The following POLH variants were observed in gnomAD, a reference collection of about 807,000 sequenced individuals.
POLH encodes the protein DNA polymerase eta transcript.
In POLH, 53 loss-of-function variants were observed where a neutral mutation model predicts 73.6. The observed-to-expected ratio is 0.72, with a 90% CI of 0.58 to 0.91. The LOEUF (loss-of-function observed/expected upper bound fraction) is 0.91. Ranked by LOEUF, POLH falls within the 40% of genes least tolerant of loss-of-function variation. The probability of loss-of-function intolerance (pLI) is 0.00; values close to 1 mark genes in which losing one functional copy is unlikely to be tolerated. For missense variants in POLH, 768 were observed against 865.4 expected (o/e 0.89, Z 1.41); for synonymous variants, 292 against 308.5 (o/e 0.95, Z 0.56).
In POLH at chr6:43,604,623, T is replaced by A; in HGVS notation, c.893T>A (p.Leu298Gln). The change falls in exon 8 of 11, where the codon CTA (leucine) becomes CAA (glutamine). Residue 298 changes from leucine to glutamine, a missense_variant. Physicochemically the swap from Leu to Gln is moderately radical, Grantham distance 113. Coordinates refer to ENST00000372236, the MANE Select transcript of POLH (RefSeq NM_006502.3). Reference protein sequence around the residue: ...SHFGEKNGSWLYAMCRGIEHD... With the variant: ...SHFGEKNGSWQYAMCRGIEHD... ...TTTGCTGGTCTTATTAGGTCTTGGC[T>A]ATATGCCATGTGCCGAGGGATTGAA... 6.2e-7 allele frequency: 1 copy of A among 1,614,136 alleles called. No homozygotes were observed. Among genetic ancestry groups the A allele is most frequent in the Non-Finnish European group, 8.5e-7 (1 of 1,179,952 alleles).
intron 4 of POLH, among the ~76,000 whole-genome samples, chr6:43,597,205 T>C (rs1224139828): frequency 6.6e-6 from 1 of 152,150 alleles, no homozygotes; most frequent in Non-Finnish European, 1.5e-5. Flanking sequence ...AACCTCCGCC[T>C]CCTGGGTTCA....
intron 3 of POLH, among the ~76,000 whole-genome samples, chr6:43,585,498 C>G (rs1248716525): frequency 6.6e-6 from 1 of 152,052 alleles, no homozygotes; most frequent in East Asian, 1.9e-4. Context: ...CATTAGCATA[C>G]AAAAAGACAA....
At position 43,604,744 on chromosome 6, in the gene POLH, C is replaced by G; in HGVS notation, c.1008+6C>G. On this transcript the variant is annotated splice_donor_region_variant and intron_variant, in intron 8 of 10. Coordinates refer to ENST00000372236, the MANE Select transcript of POLH (RefSeq NM_006502.3). The stretch of plus-strand genomic sequence containing the variant: ...CTCTTGCTACTCGGGAACAGGTAAG[C>G]TGGCATTCTTGACAGAACACTACCT... 1 of 1,613,990 alleles carries G rather than the reference C, an allele frequency of 6.2e-7. No homozygotes were observed. The highest frequency in any genetic ancestry group is 8.5e-7 in the Non-Finnish European group (1 of 1,179,948).
chr6:43,584,492 A>G (rs1764597721), intron 3 of POLH, among the ~76,000 whole-genome samples: 1 of 152,218 alleles, frequency 6.6e-6, no homozygotes, highest in Non-Finnish European at 1.5e-5. Context: ...AACTCAAACT[A>G]TGGTTTTCCT....
In POLH at chr6:43,589,705, C is replaced by G. The variant is rs1393420534; in HGVS notation, c.490+2216C>G. 2.0e-5 allele frequency among the ~76,000 whole-genome samples: 3 copies of G among 148,824 alleles called. No individual in the cohort carries two copies. In the East Asian group the frequency reaches 5.9e-4, roughly 29 times the overall value. ...GCTGGAGTGCAGTGGCTATCAGTCG[C>G]TATTCACAGGTGTGTAATTATGGCT... On this transcript the variant is annotated intron_variant, in intron 4 of 10. Coordinates refer to ENST00000372236, the MANE Select transcript of POLH (RefSeq NM_006502.3).
chr6:43,613,046 C>T (rs988368898), intron 10 of POLH, among the ~76,000 whole-genome samples: 2 of 152,056 alleles, frequency 1.3e-5, no homozygotes, highest in Non-Finnish European at 2.9e-5. Context: ...GACCCACCCG[C>T]CTTAGCCTCC....
intron 2 of POLH, 76 bp downstream of exon 2, chr6:43,582,532 T>C: frequency 7.2e-7 from 1 of 1,384,660 alleles, no homozygotes; most frequent in Non-Finnish European, 1.0e-6. Context: ...GTTGTTGTGG[T>C]GGTGGTGGTG....
chr6:43,582,167 A>G, intron 1 of POLH, 149 bp from the exon 2 acceptor site: 1 of 771,592 alleles, frequency 1.3e-6, no homozygotes, highest in Non-Finnish European at 2.3e-6. Flanking sequence ...GGGATACTCA[A>G]CCTGTATATT....
chr6:43,577,270 T>A (rs1763466605), intron 1 of POLH, among the ~76,000 whole-genome samples: 1 of 152,246 alleles, frequency 6.6e-6, no homozygotes, highest in Non-Finnish European at 1.5e-5. Context: ...TGCATGTCTG[T>A]TTTTGTGATT....
chr6:43,578,451 A>G (rs1356594041), intron 1 of POLH: 4 of 443,840 alleles, frequency 9.0e-6, no homozygotes, highest in South Asian at 6.5e-5. Flanking sequence ...AAGTTAGTAT[A>G]TATAGTTGTG....
chr6:43,588,085 T>C lies in POLH; in HGVS notation c.490+596T>C, dbSNP rs149974696. Reference sequence around the variant, plus strand: ...GACTGAGCACTTTGTCATTGGTAGCTTAATTTATATTATTATAACTTAGTG... The same window carrying C: ...GACTGAGCACTTTGTCATTGGTAGCCTAATTTATATTATTATAACTTAGTG... On this transcript the variant is annotated intron_variant, in intron 4 of 10. Transcript: ENST00000372236. 224 of 166,408 alleles carry C rather than the reference T, an allele frequency of 1.3e-3. 1 individual carries two copies. Among genetic ancestry groups the C allele is most frequent in the African/African-American group, 4.8e-3 (200 of 41,694 alleles). The allele number at this position is 166,408 out of a possible 1,614,324, so 10.3% of individuals were successfully genotyped here. A position where few individuals can be genotyped will look rare whatever the true frequency, so the allele number is the denominator to read the frequency against.
intron 4 of POLH, among the ~76,000 whole-genome samples, chr6:43,593,337 C>G (rs895997913): frequency 6.6e-6 from 1 of 152,114 alleles, no homozygotes; most frequent in Non-Finnish European, 1.5e-5. Flanking sequence ...CAAACTGATT[C>G]TAAAATTTGT....
At position 43,592,568 on chromosome 6, in the gene POLH, C is replaced by T. The variant is rs909044922; in HGVS notation, c.490+5079C>T. On this transcript the variant is annotated intron_variant, in intron 4 of 10. Transcript: ENST00000372236. ...CTGGGACTACTGTTGGCCGCCACCA[C>T]GCCCGGCTAATTTTTTTGTATTTTT... 3.3e-5 allele frequency among the ~76,000 whole-genome samples: 5 copies of T among 152,170 alleles called. 1 individual carries two copies. The highest frequency in any genetic ancestry group is 6.8e-3 in the Middle Eastern group (2 of 294).
Position 43,618,123 on chromosome 6 carries a change from G to C in POLH, c.*3566G>C, listed in dbSNP as rs548499343. On this transcript the variant is annotated 3_prime_UTR_variant, in exon 11 of 11. Coordinates refer to ENST00000372236, the MANE Select transcript of POLH (RefSeq NM_006502.3). The stretch of plus-strand genomic sequence containing the variant: ...CTTAGGGTTTAAAATTTGTTATGTA[G>C]CTTTTTGCACTTGTCCATGTTTATA... 9.2e-5 allele frequency among the ~76,000 whole-genome samples: 14 copies of C among 152,022 alleles called. No homozygotes were observed. Among genetic ancestry groups the C allele is most frequent in the Non-Finnish European group, 1.6e-4 (11 of 68,010 alleles).
In POLH at chr6:43,616,279, CAAAAAAAAA is replaced by C. The variant is rs895274732; in HGVS notation, c.*1730_*1738del. 1.4e-5 allele frequency among the ~76,000 whole-genome samples: 1 copy of C among 74,052 alleles called. No individual in the cohort carries two copies. The highest frequency in any genetic ancestry group is 5.0e-5 in the African/African-American group (1 of 20,026). The allele number at this position is 74,052 out of a possible 152,430, so 48.6% of individuals were successfully genotyped here. On this transcript the variant is annotated 3_prime_UTR_variant, in exon 11 of 11. Coordinates refer to ENST00000372236, the MANE Select transcript of POLH (RefSeq NM_006502.3). ...TGGGTGACAGAGCGAGACTCCGTCTCAAAAAAAAAAAAAAAAGAAAAACTTCTCTTTAGG... is the reference window on the plus strand; with the variant it reads ...TGGGTGACAGAGCGAGACTCCGTCTCAAAAAAAGAAAAACTTCTCTTTAGG...
chr6:43,587,973 A>G (rs1348711091), intron 4 of POLH, among the ~76,000 whole-genome samples: 1 of 148,562 alleles, frequency 6.7e-6, no homozygotes, highest in Non-Finnish European at 1.5e-5. Flanking sequence ...GTGGAGATTG[A>G]GGTGAGCCGA....
At chr6:43,580,963 G>A (rs1420143083) in intron 1 of POLH, among the ~76,000 whole-genome samples, 112 of 134,654 alleles carry the variant, frequency 8.3e-4, no homozygotes, top group Middle Eastern at 4.3e-3. Context: ...CCTCCCTCCC[G>A]GATGGGGCGG....
At chr6:43,586,163 G>C (rs1202438807) in intron 3 of POLH, among the ~76,000 whole-genome samples, 1 of 152,136 alleles carries the variant, frequency 6.6e-6, no homozygotes. Context: ...TACAAAGCAG[G>C]TCCAAGCCAA....
chr6:43,581,785 G>A (rs1322505198), intron 1 of POLH, among the ~76,000 whole-genome samples: 3 of 150,308 alleles, frequency 2.0e-5, no homozygotes, highest in Admixed American at 6.6e-5. Context: ...GCCCCGGGCC[G>A]CAGCGCAGCC....
Sources: allele counts gnomAD v4.1 joint callset (sites outside exome capture counted in the v4.1 genomes callset), GRCh38; gene constraint gnomAD v4.1.1; transcripts MANE v1.5; gene names NCBI Gene and HGNC (gene_info 2026-07-23, HGNC 2026-07-21).